Variants in EPM2A observed in about 807,000 individuals in gnomAD.
The protein encoded by EPM2A is EPM2A glucan phosphatase, laforin, also known as laforin.
EPM2A carries 21 observed loss-of-function variants against 26.5 expected under a neutral mutation model. That is an observed-to-expected ratio of 0.79 (90% CI 0.56 to 1.14). The LOEUF is 1.14. Among genes scored for constraint, EPM2A ranks in the 50% most tolerant of loss-of-function variants. The pLI, the probability that EPM2A is intolerant of heterozygous loss-of-function variation, is 0.00. For synonymous variants in EPM2A, 217 were observed against 177.6 expected, an observed-to-expected ratio of 1.22 and a Z score of -1.76; for missense variants, 458 against 440.8, an observed-to-expected ratio of 1.04 and a Z score of -0.35.
chr6:145,457,461 G>A (rs1779276150), intron 4 of EPM2A, among the ~76,000 whole-genome samples: 1 of 147,022 alleles, frequency 6.8e-6, no homozygotes, highest in Non-Finnish European at 1.5e-5. Context: ...CTCAGCCTGG[G>A]CACTAGAGTG....
intron 2 of EPM2A, among the ~76,000 whole-genome samples, chr6:145,588,049 T>C (rs1359264709): frequency 6.6e-6 from 1 of 152,164 alleles, no homozygotes; most frequent in African/African-American, 2.4e-5. Context: ...GACACACTTA[T>C]CAATTGCTGA....
At chr6:145,408,243 T>C (rs1162415578) in intron 4 of EPM2A, among the ~76,000 whole-genome samples, 3 of 152,190 alleles carry the variant, frequency 2.0e-5, no homozygotes, top group Admixed American at 1.3e-4. Flanking sequence ...CAGTTAATTA[T>C]CTGCTCTTCT....
In EPM2A at chr6:145,458,870, A is replaced by AT. The variant is rs564505378; in HGVS notation, c.555+43651dup. ...ATTAGCAAAAATGTGCCAAATATAC[A>AT]TTTTTTTGGAGAGAACTCAAGGAAC... is the stretch of plus-strand genomic sequence containing the variant. On this transcript the variant is annotated intron_variant, in intron 4 of 4. Transcript: ENST00000638717. Among the ~76,000 whole-genome samples, 26 of 151,352 alleles carry AT rather than the reference A, an allele frequency of 1.7e-4. No individual in the cohort carries two copies. The South Asian group carries it at 3.8e-3, about 22-fold the overall frequency.
chr6:145,561,897 C>A (rs139168906), intron 2 of EPM2A, among the ~76,000 whole-genome samples: 1 of 151,954 alleles, frequency 6.6e-6, no homozygotes, highest in Non-Finnish European at 1.5e-5. Flanking sequence ...CAGGGCCAGT[C>A]GGTGGGTGGA....
intron 4 of EPM2A, among the ~76,000 whole-genome samples, chr6:145,419,847 T>C (rs910654278): frequency 2.6e-5 from 4 of 152,148 alleles, no homozygotes; most frequent in Non-Finnish European, 5.9e-5. Flanking sequence ...ATATGAATGA[T>C]ACAAATAATA....
intron 1 of EPM2A, among the ~76,000 whole-genome samples, chr6:145,733,739 C>G (rs1250446962): frequency 1.3e-5 from 2 of 152,134 alleles, no homozygotes; most frequent in Non-Finnish European, 1.5e-5. Flanking sequence ...CCAATAAATG[C>G]TACCAGACCA....
intron 2 of EPM2A, among the ~76,000 whole-genome samples, chr6:145,618,029 T>C (rs998659839): frequency 6.6e-6 from 1 of 152,186 alleles, no homozygotes; most frequent in East Asian, 1.9e-4. Flanking sequence ...TTAACTGTCA[T>C]AGAATGGGCC....
chr6:145,701,468 T>C (rs1043508348), intron 1 of EPM2A, among the ~76,000 whole-genome samples: 2 of 152,226 alleles, frequency 1.3e-5, no homozygotes, highest in Non-Finnish European at 2.9e-5. Context: ...TGAAGGACCA[T>C]GCCAGCTAAG....
chr6:145,610,756 T>C (rs532115432), intron 2 of EPM2A, among the ~76,000 whole-genome samples: 1 of 152,342 alleles, frequency 6.6e-6, no homozygotes, highest in South Asian at 2.1e-4. Context: ...TTCAGACTTG[T>C]TGAGTAGAAC....
intron 1 of EPM2A, among the ~76,000 whole-genome samples, chr6:145,687,899 A>G (rs947416364): frequency 6.6e-6 from 1 of 152,148 alleles, no homozygotes; most frequent in Admixed American, 6.5e-5. Flanking sequence ...TTCATTTTTA[A>G]TAGATAAAAA....
intron 4 of EPM2A, among the ~76,000 whole-genome samples, chr6:145,425,040 C>T (rs1419858412): frequency 6.6e-6 from 1 of 152,056 alleles, no homozygotes; most frequent in Non-Finnish European, 1.5e-5. Context: ...ATATACAGTA[C>T]AGTACCATAT....
At chr6:145,476,323 C>T (rs1052243691) in intron 4 of EPM2A, among the ~76,000 whole-genome samples, 1 of 151,922 alleles carries the variant, frequency 6.6e-6, no homozygotes, top group Non-Finnish European at 1.5e-5. Context: ...GGCCCCAATA[C>T]AATACAATAT....
At chr6:145,727,953 G>T (rs753985556) in intron 1 of EPM2A, among the ~76,000 whole-genome samples, 2 of 152,138 alleles carry the variant, frequency 1.3e-5, no homozygotes, top group Non-Finnish European at 2.9e-5. Flanking sequence ...CCTCCTTGCT[G>T]TTCTTGTGAA....
At chr6:145,444,035 C>T (rs986338887) in intron 4 of EPM2A, among the ~76,000 whole-genome samples, 9 of 152,122 alleles carry the variant, frequency 5.9e-5, no homozygotes, top group Admixed American at 5.2e-4. Flanking sequence ...TTATCAGCAG[C>T]GTAAAAATGG....
chr6:145,579,717 A>G (rs1021854012), intron 2 of EPM2A, among the ~76,000 whole-genome samples: 1 of 152,158 alleles, frequency 6.6e-6, no homozygotes, highest in Non-Finnish European at 1.5e-5. Flanking sequence ...GCATGTTGCT[A>G]TTCACTTTTG....
At chr6:145,426,133 C>G (rs1291264375) in intron 4 of EPM2A, among the ~76,000 whole-genome samples, 1 of 152,172 alleles carries the variant, frequency 6.6e-6, no homozygotes, top group African/African-American at 2.4e-5. Flanking sequence ...TTCTAGGCAT[C>G]AAGCAGCAAT....
chr6:145,689,928 C>T (rs9376957), intron 1 of EPM2A, among the ~76,000 whole-genome samples: 80,975 of 151,962 alleles, frequency 0.53, 22,212 homozygotes, highest in East Asian at 0.67. Flanking sequence ...CCACTGAGAT[C>T]GTGACAAAGG....
At chr6:145,387,292 C>T (rs886418665) in intron 4 of EPM2A, among the ~76,000 whole-genome samples, 3 of 152,114 alleles carry the variant, frequency 2.0e-5, no homozygotes, top group Non-Finnish European at 4.4e-5. Context: ...ACATCTCAAA[C>T]ATTAATGATG....
At chr6:145,432,187 C>A (rs919801711) in intron 4 of EPM2A, among the ~76,000 whole-genome samples, 1 of 152,180 alleles carries the variant, frequency 6.6e-6, no homozygotes, top group African/African-American at 2.4e-5. Context: ...GAATCAACTT[C>A]TTCCAAACTC....
Sources: gnomAD v4.1 joint callset for allele counts (sites outside exome capture counted in the v4.1 genomes callset) on GRCh38, gnomAD v4.1.1 for gene constraint, MANE v1.5 for transcripts, NCBI Gene and HGNC (gene_info 2026-07-23, HGNC 2026-07-21) for gene names.